SLC16A10: variants seen among roughly 807,000 people sequenced by gnomAD.
SLC16A10 encodes solute carrier family 16 member 10, also known as monocarboxylate transporter 10.
A neutral mutation model predicts 40.0 loss-of-function variants in SLC16A10; 27 were observed. The ratio of observed to expected loss-of-function variants is 0.67; its 90% CI spans 0.50 to 0.93. The LOEUF (loss-of-function observed/expected upper bound fraction) is 0.93. Ranked by LOEUF, SLC16A10 falls within the 40% of genes least tolerant of loss-of-function variation. SLC16A10 has a pLI of 0.00. For missense variants in SLC16A10, 529 were observed against 658.2 expected (o/e 0.80, Z 2.15); for synonymous variants, 213 against 249.8 (o/e 0.85, Z 1.39).
At chr6:111,143,400 A>G (rs1583325478) in intron 1 of SLC16A10, among the ~76,000 whole-genome samples, 1 of 151,856 alleles carries the variant, frequency 6.6e-6, no homozygotes, top group Non-Finnish European at 1.5e-5. Flanking sequence ...TTTTTCTTCT[A>G]GAGACAAGGC....
At chr6:111,109,831 A>G (rs1488385014) in intron 1 of SLC16A10, among the ~76,000 whole-genome samples, 3 of 152,228 alleles carry the variant, frequency 2.0e-5, no homozygotes, top group African/African-American at 4.8e-5. Flanking sequence ...TAGAACTGCT[A>G]TGAACATTTG....
intron 1 of SLC16A10, among the ~76,000 whole-genome samples, chr6:111,119,027 A>G (rs1771538418): frequency 6.6e-6 from 1 of 152,192 alleles, no homozygotes. Context: ...CATTTCAGTA[A>G]CTGAGTGGGT....
intron 1 of SLC16A10, among the ~76,000 whole-genome samples, chr6:111,134,398 A>G (rs1771840067): frequency 6.6e-6 from 1 of 152,218 alleles, no homozygotes; most frequent in Non-Finnish European, 1.5e-5. Context: ...AACTAATCTT[A>G]AAGGAAAAGT....
chr6:111,209,465 T>A (rs1773308015), intron 4 of SLC16A10, among the ~76,000 whole-genome samples: 1 of 152,182 alleles, frequency 6.6e-6, no homozygotes, highest in South Asian at 2.1e-4. Flanking sequence ...TGGGGTTTTT[T>A]AAATTAAAAA....
At chr6:111,202,643 C>T (rs1773186809) in intron 3 of SLC16A10, among the ~76,000 whole-genome samples, 3 of 151,758 alleles carry the variant, frequency 2.0e-5, no homozygotes, top group Admixed American at 2.0e-4. Flanking sequence ...AATCCCAGCA[C>T]CTTGGGAGGC....
intron 1 of SLC16A10, among the ~76,000 whole-genome samples, chr6:111,107,722 TG>T (rs1484248612): frequency 6.6e-6 from 1 of 152,096 alleles, no homozygotes; most frequent in Non-Finnish European, 1.5e-5. Flanking sequence ...TACCAAGAGG[TG>T]GAAGTGATCT....
At chr6:111,099,911 T>C (rs1771143442) in intron 1 of SLC16A10, among the ~76,000 whole-genome samples, 2 of 150,370 alleles carry the variant, frequency 1.3e-5, no homozygotes, top group South Asian at 4.2e-4. Flanking sequence ...TAGTCCCAGC[T>C]ACTCAAAAGG....
chr6:111,117,330 C>T (rs1317466183), intron 1 of SLC16A10, among the ~76,000 whole-genome samples: 12 of 114,966 alleles, frequency 1.0e-4, no homozygotes, highest in African/African-American at 1.8e-4. Flanking sequence ...CCATCCTGGG[C>T]GACAGAGCGA....
intron 3 of SLC16A10, among the ~76,000 whole-genome samples, chr6:111,197,923 C>T (rs1357853994): frequency 1.3e-5 from 2 of 152,130 alleles, no homozygotes; most frequent in Admixed American, 6.5e-5. Flanking sequence ...CCCACCAGGT[C>T]CCACCTCCAA....
intron 3 of SLC16A10, among the ~76,000 whole-genome samples, chr6:111,192,480 ATCT>A (rs1395150958): frequency 1.3e-5 from 2 of 151,874 alleles, no homozygotes; most frequent in Non-Finnish European, 2.9e-5. Context: ...ACATTTTCCT[ATCT>A]TCTTCTGAGC....
chr6:111,197,087 A>G (rs1299962823), intron 3 of SLC16A10, among the ~76,000 whole-genome samples: 1 of 152,212 alleles, frequency 6.6e-6, no homozygotes, highest in Non-Finnish European at 1.5e-5. Flanking sequence ...ACAAATTTTA[A>G]TCTTCATTCC....
At chr6:111,140,814 C>G (rs1021111316) in intron 1 of SLC16A10, among the ~76,000 whole-genome samples, 1 of 152,016 alleles carries the variant, frequency 6.6e-6, no homozygotes, top group African/African-American at 2.4e-5. Context: ...GAGAGAGGGT[C>G]TTTCTGTGTC....
At chr6:111,189,685 C>G (rs1387304366) in intron 3 of SLC16A10, among the ~76,000 whole-genome samples, 2 of 152,116 alleles carry the variant, frequency 1.3e-5, no homozygotes, top group African/African-American at 4.8e-5. Context: ...TACATGGTGG[C>G]AGGCAGGGGA....
At chr6:111,214,618 C>T (rs187041206) in intron 4 of SLC16A10, among the ~76,000 whole-genome samples, 1 of 151,920 alleles carries the variant, frequency 6.6e-6, no homozygotes, top group Non-Finnish European at 1.5e-5. Flanking sequence ...ACAGTAGCTA[C>T]AAATAAGGTG....
intron 1 of SLC16A10, among the ~76,000 whole-genome samples, chr6:111,160,443 T>C (rs1201666398): frequency 6.6e-6 from 1 of 152,222 alleles, no homozygotes. Flanking sequence ...GGTTTCACCA[T>C]GTTGGGAAGG....
chr6:111,178,812 A>T (rs980476557), intron 3 of SLC16A10: 1 of 187,750 alleles, frequency 5.3e-6, no homozygotes, highest in African/African-American at 2.4e-5. Context: ...AATATAACCG[A>T]TTTACGGACT....
intron 1 of SLC16A10, among the ~76,000 whole-genome samples, chr6:111,091,038 A>G (rs746850266): frequency 6.6e-6 from 1 of 152,210 alleles, no homozygotes; most frequent in South Asian, 2.1e-4. Context: ...TAAGCACTTT[A>G]GATGCGTTCC....
chr6:111,120,297 T>C (rs1771561551), intron 1 of SLC16A10, among the ~76,000 whole-genome samples: 1 of 152,226 alleles, frequency 6.6e-6, no homozygotes, highest in African/African-American at 2.4e-5. Context: ...TTCATGTCAC[T>C]GTTTAGAAAT....
chr6:111,087,869 C>G lies in SLC16A10; in HGVS notation c.117C>G (p.Pro39=). ...CCGGCCCGGGACCCTCGGACAGCCC[C>G]GAGGCGGCTGTCGAGAAGGTGGAGG... is the stretch of plus-strand genomic sequence containing the variant. The part of the protein sequence containing the change: ...PPPGPGPSDS[P]EAAVEKVEVE... Residue 39 remains proline, a synonymous_variant, in exon 1 of 6, where the codon CCC becomes CCG. Transcript: ENST00000368851. The G allele has an allele frequency of 1.3e-6, 2 of 1,517,732 alleles. No individual in the cohort carries two copies. The highest frequency in any genetic ancestry group is 1.8e-6 in the Non-Finnish European group (2 of 1,136,272). The allele number at this position is 1,517,732 out of a possible 1,614,324, so 94.0% of individuals were successfully genotyped here.
Sources: gnomAD v4.1 joint callset for allele counts (sites outside exome capture counted in the v4.1 genomes callset) on GRCh38, gnomAD v4.1.1 for gene constraint, MANE v1.5 for transcripts, NCBI Gene and HGNC (gene_info 2026-07-23, HGNC 2026-07-21) for gene names.